The following SPART variants were observed in gnomAD, a reference collection of about 807,000 sequenced individuals.
SPART encodes the protein spartin.
Under a neutral mutation model 58.7 loss-of-function variants are expected in SPART, and 35 were observed. The observed-to-expected ratio is 0.60, with a 90% CI of 0.46 to 0.79. The LOEUF is 0.79. Among genes scored for constraint, SPART ranks in the 30% least tolerant of loss-of-function variants. The pLI, the probability that SPART is intolerant of heterozygous loss-of-function variation, is 0.00. For missense variants in SPART, 730 were observed against 786.1 expected (o/e 0.93, Z 0.85); for synonymous variants, 284 against 280.7 (o/e 1.01, Z -0.12).
chr13:36,308,079 A>G (rs1420691889), intron 8 of SPART, among the ~76,000 whole-genome samples: 3 of 152,136 alleles, frequency 2.0e-5, no homozygotes, highest in Admixed American at 6.5e-5. Flanking sequence ...ATACTTTTTG[A>G]TAGTAAACTT....
chr13:36,331,052 C>T (rs1316084724), intron 3 of SPART, among the ~76,000 whole-genome samples: 1 of 152,172 alleles, frequency 6.6e-6, no homozygotes, highest in Non-Finnish European at 1.5e-5. Context: ...GATATAAGTG[C>T]TTAATGTATT....
At chr13:36,347,391 G>C (rs1015195577), upstream of SPART, among the ~76,000 whole-genome samples, 1 of 152,106 alleles carries the variant, frequency 6.6e-6, no homozygotes, top group Non-Finnish European at 1.5e-5. Flanking sequence ...TCTAATTTTT[G>C]TATTTTTAGT....
chr13:36,362,056 C>G (rs1406078313), intron 1 of SPART, among the ~76,000 whole-genome samples: 1 of 152,100 alleles, frequency 6.6e-6, no homozygotes, highest in African/African-American at 2.4e-5. Flanking sequence ...CCCAGGCAAA[C>G]AATACCCATG....
rs148672324 is a variant in SPART at position 36,329,396 on chromosome 13, T to A, written c.1130A>T (p.Lys377Met). The change falls in exon 4 of 9, where the codon AAG (lysine) becomes ATG (methionine). Residue 377 changes from lysine (K) to methionine (M), a missense_variant. Physicochemically the swap from Lys to Met is moderately conservative, Grantham distance 95. Coordinates refer to ENST00000438666, the MANE Select transcript of SPART (RefSeq NM_015087.5). ...ACGTTTTCCTTTATGACGTACATCC[T>A]TATTGCCTTGGTCCAACTGTTTCAC... is the stretch of plus-strand genomic sequence containing the variant. The part of the protein sequence containing the change: ...TDVKQLDQGN[K>M]DVRHKGKRGK... The A allele has an allele frequency of 3.2e-4, 514 of 1,614,198 alleles. 2 individuals carry two copies. The African/African-American group carries it at 6.4e-3, about 20-fold the overall frequency.
rs777288668 is a variant in SPART at position 36,314,232 on chromosome 13, AACTG to A, written c.1474_1477del (p.Gln492SerfsTer9). ...GTTATCTAGAATTACTTTACCCAGG[AACTG>A]ACTGACTTTTGCTGCTCCTCCTGTA... On this transcript the variant is annotated frameshift_variant, in exon 6 of 9. Coordinates refer to ENST00000438666, the MANE Select transcript of SPART (RefSeq NM_015087.5). LOFTEE classifies it high-confidence loss of function. The A allele has an allele frequency of 5.6e-6, 9 of 1,613,958 alleles. No individual in the cohort carries two copies. In the Admixed American group the frequency reaches 6.7e-5, roughly 12 times the overall value.
At chr13:36,310,690 A>G (rs1880999183) in intron 8 of SPART, among the ~76,000 whole-genome samples, 1 of 152,158 alleles carries the variant, frequency 6.6e-6, no homozygotes, top group South Asian at 2.1e-4. Context: ...AATGGTCAAC[A>G]CTAGAGTCAT....
At chr13:36,327,886 C>T (rs1046809799) in intron 4 of SPART, among the ~76,000 whole-genome samples, 3 of 152,010 alleles carry the variant, frequency 2.0e-5, no homozygotes, top group African/African-American at 7.3e-5. Flanking sequence ...CCCAGCTGCT[C>T]GGGAGGTTGA....
chr13:36,332,070 T>C (rs767937107), intron 2 of SPART, among the ~76,000 whole-genome samples: 2 of 152,002 alleles, frequency 1.3e-5, no homozygotes, highest in African/African-American at 4.8e-5. Context: ...TGTCATTTTA[T>C]GTACAAGAAA....
intron 1 of SPART, among the ~76,000 whole-genome samples, chr13:36,362,360 A>AAAC (rs1193513015): frequency 6.6e-6 from 1 of 151,512 alleles, no homozygotes; most frequent in African/African-American, 2.4e-5. Context: ...CTCAAAAAAA[A>AAAC]AAAAAAATAC....
At position 36,346,316 on chromosome 13, in the gene SPART, T is replaced by G. The variant is rs1593284057; in HGVS notation, c.-94A>C. On this transcript the variant is annotated 5_prime_UTR_variant, in exon 1 of 9. Transcript: ENST00000438666. Reference sequence around the variant, plus strand: ...CGGACCAGCTCCCACTCCCTTACACTGGGCGCCGCTGCGCTCGCCGGGGGC... The same window carrying G: ...CGGACCAGCTCCCACTCCCTTACACGGGGCGCCGCTGCGCTCGCCGGGGGC... The G allele has an allele frequency of 6.6e-6, 1 of 152,192 alleles. No individual in the cohort carries two copies. Among genetic ancestry groups the G allele is most frequent in the East Asian group, 2.0e-4 (1 of 5,124 alleles). 9.4% of individuals were successfully genotyped at this position (152,192 alleles called of 1,614,324 possible).
Position 36,346,055 on chromosome 13 carries a change from G to T in SPART, c.-3+170C>A, listed in dbSNP as rs533331588. Among the ~76,000 whole-genome samples the T allele has an allele frequency of 3.0e-3, 459 of 152,252 alleles. 1 individual carries two copies. The highest frequency in any genetic ancestry group is 0.011 in the African/African-American group (445 of 41,560). Reference sequence around the variant, plus strand: ...TCTCAAACTATTCTCTCTCGAAATCGCTCCCTTCCTCGAAAATTCCATCTC... The same window carrying T: ...TCTCAAACTATTCTCTCTCGAAATCTCTCCCTTCCTCGAAAATTCCATCTC... On this transcript the variant is annotated intron_variant, in intron 1 of 8. Coordinates refer to ENST00000438666, the MANE Select transcript of SPART (RefSeq NM_015087.5).
At chr13:36,334,262 A>G (rs1883737512) in intron 2 of SPART, among the ~76,000 whole-genome samples, 1 of 152,106 alleles carries the variant, frequency 6.6e-6, no homozygotes, top group African/African-American at 2.4e-5. Context: ...ACCTCACTAA[A>G]TCCACAGCAA....
chr13:36,365,690 G>T lies in SPART; in HGVS notation c.-3+4399C>A, dbSNP rs138518561. 125 of 444,960 alleles carry T rather than the reference G, an allele frequency of 2.8e-4. 1 individual carries two copies. The highest frequency in any genetic ancestry group is 2.3e-3 in the African/African-American group (111 of 48,772). The allele number at this position is 444,960 out of a possible 1,614,324, so 27.6% of individuals were successfully genotyped here. A position where few individuals can be genotyped will look rare whatever the true frequency, so the allele number is the denominator to read the frequency against. Reference sequence around the variant, plus strand: ...TTTTAATTTGTATATACTTGTAGATGCCTTTAGAACAATGACCATATCTTT... The same window carrying T: ...TTTTAATTTGTATATACTTGTAGATTCCTTTAGAACAATGACCATATCTTT... On this transcript the variant is annotated intron_variant, in intron 1 of 8. Transcript: ENST00000355182.
chr13:36,366,132 G>T (rs1041138), intron 1 of SPART, among the ~76,000 whole-genome samples: 125,276 of 152,180 alleles, frequency 0.82, 51,796 homozygotes, highest in African/African-American at 0.9. Context: ...ATCTAAATAC[G>T]TTAGAAAGGA....
upstream of SPART, among the ~76,000 whole-genome samples, chr13:36,349,345 A>G (rs370507744): frequency 3.3e-5 from 5 of 152,350 alleles, no homozygotes; most frequent in East Asian, 7.7e-4. Context: ...AGAAGCTTCC[A>G]CGTATGGTTA....
intron 1 of SPART, among the ~76,000 whole-genome samples, chr13:36,362,439 A>G (rs1885902049): frequency 6.6e-6 from 1 of 151,962 alleles, no homozygotes; most frequent in African/African-American, 2.4e-5. Context: ...CTATACCCAG[A>G]TCTAATGAGT....
At chr13:36,339,642 A>AAAC (rs1884382936) in intron 1 of SPART, among the ~76,000 whole-genome samples, 3 of 149,554 alleles carry the variant, frequency 2.0e-5, no homozygotes, top group Non-Finnish European at 4.5e-5. Context: ...AAAAAAAAAA[A>AAAC]AAAAAAAAAA....
chr13:36,304,659 C>A (rs779479412), intron 8 of SPART, 27 bp from the exon 9 acceptor site: 1 of 1,606,100 alleles, frequency 6.2e-7, no homozygotes, highest in Non-Finnish European at 8.5e-7. Context: ...AGAGGACATA[C>A]AATGAAACAA....
intron 1 of SPART, among the ~76,000 whole-genome samples, chr13:36,353,878 G>C (rs921095092): frequency 6.6e-6 from 1 of 152,188 alleles, no homozygotes; most frequent in African/African-American, 2.4e-5. Flanking sequence ...TGCATGTTCT[G>C]TGAATTGTTT....
Sources: gnomAD v4.1 joint callset for allele counts (sites outside exome capture counted in the v4.1 genomes callset) on GRCh38, gnomAD v4.1.1 for gene constraint, MANE v1.5 for transcripts, NCBI Gene and HGNC (gene_info 2026-07-23, HGNC 2026-07-21) for gene names.